Variants in TTF2 observed in about 807,000 individuals in gnomAD.
TTF2 encodes the protein RNA polymerase II termination factor.
In TTF2, 108 loss-of-function variants were observed where a neutral mutation model predicts 142.4. That is an observed-to-expected ratio of 0.76 (90% CI 0.65 to 0.89). TTF2 has a LOEUF of 0.89. Among genes scored for constraint, TTF2 ranks in the 40% least tolerant of loss-of-function variants. The pLI is 0.00. For missense variants in TTF2, 1,327 were observed against 1,379.8 expected (o/e 0.96, Z 0.61); for synonymous variants, 483 against 506.2 (o/e 0.95, Z 0.61).
In TTF2 at chr1:117,103,542, A is replaced by G. The variant is rs1242520759; in HGVS notation, c.*2018A>G. 1 of 152,216 alleles carries G rather than the reference A, an allele frequency of 6.6e-6. No homozygotes were observed. Among genetic ancestry groups the G allele is most frequent in the Non-Finnish European group, 1.5e-5 (1 of 68,034 alleles). 9.4% of individuals were successfully genotyped at this position (152,216 alleles called of 1,614,324 possible). On this transcript the variant is annotated 3_prime_UTR_variant, in exon 23 of 23. Coordinates refer to ENST00000369466, the MANE Select transcript of TTF2 (RefSeq NM_003594.4). ...GAGCCTATTTAAGCAGAAGTTTTCT[A>G]TAAGGACAAGATTTAAAGGCTTACA... is the stretch of plus-strand genomic sequence containing the variant.
At position 117,098,904 on chromosome 1, in the gene TTF2, AC is replaced by A; in HGVS notation, c.3342del (p.His1114GlnfsTer9). The A allele has an allele frequency of 6.2e-7, 1 of 1,612,930 alleles. No homozygotes were observed. The highest frequency in any genetic ancestry group is 8.5e-7 in the Non-Finnish European group (1 of 1,179,592). On this transcript the variant is annotated frameshift_variant and splice_region_variant, in exon 22 of 23. Transcript: ENST00000369466. LOFTEE classifies it high-confidence loss of function. ...RVGQQKDVVI[H>X]RFVCEGTVEE... ...GGGCAGCAGAAAGATGTTGTCATACACAGGTAAGTAATGGTCCCCAGGACCC... is the reference window on the plus strand; with the variant it reads ...GGGCAGCAGAAAGATGTTGTCATACAAGGTAAGTAATGGTCCCCAGGACCC...
chr1:117,088,950 A>G lies in TTF2; in HGVS notation c.2310A>G (p.Gln770=), dbSNP rs140711245. 2.5e-6 allele frequency: 4 copies of G among 1,612,794 alleles called. No individual in the cohort carries two copies. The highest frequency in any genetic ancestry group is 1.7e-5 in the Admixed American group (1 of 59,700). The part of the protein sequence containing the change: ...ARWAVTGTPI[Q]NNLLDMYSLL... Reference sequence around the variant, plus strand: ...GGGCTGTCACTGGAACCCCCATTCAAAACAACTTATTGGATATGTATTCGC... The same window carrying G: ...GGGCTGTCACTGGAACCCCCATTCAGAACAACTTATTGGATATGTATTCGC... The change falls in exon 13 of 23, where the codon CAA becomes CAG. Residue 770 remains glutamine (Q), a synonymous_variant. Coordinates refer to ENST00000369466, the MANE Select transcript of TTF2 (RefSeq NM_003594.4).
At chr1:117,084,497 A>G (rs1254927643) in intron 11 of TTF2, among the ~76,000 whole-genome samples, 1 of 152,212 alleles carries the variant, frequency 6.6e-6, no homozygotes, top group Non-Finnish European at 1.5e-5. Flanking sequence ...TTCTGATTCC[A>G]GGTGTACATA....
rs778269918 is a variant in TTF2, at chr1:117,105,390, C to G, written c.*3866C>G. On this transcript the variant is annotated 3_prime_UTR_variant, in exon 23 of 23. Transcript: ENST00000369466. This position sits in a 1 kb window ranked among gnomAD's most constrained non-coding sequence, Gnocchi z 4.7. Reference sequence around the variant, plus strand: ...GAGTATTGTGCATGCCGCAGCTAGACAGAGTCCTGGGCCCTTTAAAAACCT... The same window carrying G: ...GAGTATTGTGCATGCCGCAGCTAGAGAGAGTCCTGGGCCCTTTAAAAACCT... 2 of 152,246 alleles carry G rather than the reference C, an allele frequency of 1.3e-5. No homozygotes were observed. Among genetic ancestry groups the G allele is most frequent in the African/African-American group, 2.4e-5 (1 of 41,434 alleles). 9.4% of individuals were successfully genotyped at this position (152,246 alleles called of 1,614,324 possible).
intron 3 of TTF2, among the ~76,000 whole-genome samples, chr1:117,065,629 CTTT>C (rs1656036748): frequency 6.6e-6 from 1 of 152,134 alleles, no homozygotes; most frequent in South Asian, 2.1e-4. Flanking sequence ...TTGTTTAATA[CTTT>C]TCATTACAGA....
In TTF2 at chr1:117,073,595, A is replaced by G; in HGVS notation, c.219-66A>G. ...TGCAAGATGTTTTCTTGGATTAAAA[A>G]TAAGCTTATCTCTTGTTCTAATGGA... On this transcript the variant is annotated intron_variant, in intron 3 of 22. Transcript: ENST00000369466. This position sits in a 1 kb window ranked among gnomAD's most constrained non-coding sequence, Gnocchi z 4.4. 1 of 1,469,128 alleles carries G rather than the reference A, an allele frequency of 6.8e-7. No individual in the cohort carries two copies. Among genetic ancestry groups the G allele is most frequent in the Non-Finnish European group, 9.3e-7 (1 of 1,078,278 alleles). 91.0% of individuals were successfully genotyped at this position (1,469,128 alleles called of 1,614,324 possible).
Position 117,081,941 on chromosome 1 carries a change from A to C in TTF2, c.1897A>C (p.Lys633Gln). ...EKSTALTWLS[K>Q]DDSCDFTSHG... ...AAGCACAGCTTTGACGTGGCTCTCC[A>C]AAGATGGTAGACAGAAGTGCCTTAA... Residue 633 changes from lysine to glutamine, a missense_variant, in exon 10 of 23, where the codon AAA becomes CAA. Coordinates refer to ENST00000369466, the MANE Select transcript of TTF2 (RefSeq NM_003594.4). 1 of 1,614,158 alleles carries C rather than the reference A, an allele frequency of 6.2e-7. No individual in the cohort carries two copies. Among genetic ancestry groups the C allele is most frequent in the East Asian group, 2.2e-5 (1 of 44,884 alleles).
chr1:117,097,310 A>AC lies in TTF2; in HGVS notation c.3187-39dup. 6.3e-7 allele frequency: 1 copy of AC among 1,585,852 alleles called. No individual in the cohort carries two copies. On this transcript the variant is annotated intron_variant, in intron 20 of 22. Transcript: ENST00000369466. The surrounding 1 kb of genome is among the most constrained non-coding windows in gnomAD (Gnocchi z 4.1). ...ACCTGAGACCGAGATGTGTTACGAG[A>AC]CCAAGTCTGTTTAAAGTTAATGTTG... is the stretch of plus-strand genomic sequence containing the variant.
intron 13 of TTF2, among the ~76,000 whole-genome samples, chr1:117,089,622 A>G (rs1040740431): frequency 1.3e-5 from 2 of 151,986 alleles, no homozygotes; most frequent in Non-Finnish European, 2.9e-5. Flanking sequence ...CCAGGAGTTC[A>G]AGGCTGCAGT....
In TTF2 at chr1:117,076,739, C is replaced by T. The variant is rs367576357; in HGVS notation, c.1489C>T (p.Arg497Cys). The T allele has an allele frequency of 5.0e-6, 8 of 1,614,066 alleles. No individual in the cohort carries two copies. The African/African-American group carries it at 5.3e-5, about 11-fold the overall frequency. Residue 497 changes from arginine to cysteine, a missense_variant, in exon 7 of 23, where the codon CGT becomes TGT. Coordinates refer to ENST00000369466, the MANE Select transcript of TTF2 (RefSeq NM_003594.4). This position sits in a 1 kb window ranked among gnomAD's most constrained non-coding sequence, Gnocchi z 4.6. ...PHLVPPQPLP[R>C]RGTQPVGSLE... ...CCTGGTGCCTCCCCAACCCCTTCCTCGTCGTGGTACCCAACCTGTGGGTTC... is the reference window on the plus strand; with the variant it reads ...CCTGGTGCCTCCCCAACCCCTTCCTTGTCGTGGTACCCAACCTGTGGGTTC...
In TTF2 at chr1:117,070,045, CTTA is replaced by C. The variant is rs1292427091; in HGVS notation, c.219-3611_219-3609del. The stretch of plus-strand genomic sequence containing the variant: ...AATATAATAAAACGTAACAAACAAA[CTTA>C]TTATCCTAAAATCAGAAAAGCTCAT... On this transcript the variant is annotated intron_variant, in intron 3 of 22. Coordinates refer to ENST00000369466, the MANE Select transcript of TTF2 (RefSeq NM_003594.4). The surrounding 1 kb of genome is among the most constrained non-coding windows in gnomAD (Gnocchi z 4.2). Among the ~76,000 whole-genome samples the C allele has an allele frequency of 6.6e-6, 1 of 152,172 alleles. No homozygotes were observed. The highest frequency in any genetic ancestry group is 1.5e-5 in the Non-Finnish European group (1 of 68,018).
At position 117,081,924 on chromosome 1, in the gene TTF2, C is replaced by T. The variant is rs373405668; in HGVS notation, c.1880C>T (p.Ala627Val). 2 of 1,614,054 alleles carry T rather than the reference C, an allele frequency of 1.2e-6. No homozygotes were observed. Among genetic ancestry groups the T allele is most frequent in the African/African-American group, 1.3e-5 (1 of 74,936 alleles). ...AAGGAAGAAAAGGAGAAAAGCACAG[C>T]TTTGACGTGGCTCTCCAAAGATGGT... ...EKKEEKEKST[A>V]LTWLSKDDSC... Residue 627 changes from alanine to valine, a missense_variant, in exon 10 of 23, where the codon GCT becomes GTT. Ala to Val is a moderately conservative substitution (Grantham distance 64). Coordinates refer to ENST00000369466, the MANE Select transcript of TTF2 (RefSeq NM_003594.4).
At position 117,098,908 on chromosome 1, in the gene TTF2, G is replaced by A; in HGVS notation, c.3344+1G>A. The A allele has an allele frequency of 6.2e-7, 1 of 1,612,352 alleles. No homozygotes were observed. The highest frequency in any genetic ancestry group is 8.5e-7 in the Non-Finnish European group (1 of 1,179,312). The stretch of plus-strand genomic sequence containing the variant: ...AGCAGAAAGATGTTGTCATACACAG[G>A]TAAGTAATGGTCCCCAGGACCCAGG... On this transcript the variant is annotated splice_donor_variant, in intron 22 of 22. Coordinates refer to ENST00000369466, the MANE Select transcript of TTF2 (RefSeq NM_003594.4). LOFTEE classifies it high-confidence loss of function.
intron 3 of TTF2, among the ~76,000 whole-genome samples, chr1:117,067,739 GTGACCTA>G (rs1387394472): frequency 2.0e-5 from 3 of 152,164 alleles, no homozygotes; most frequent in African/African-American, 7.2e-5. Flanking sequence ...CCCCTGGAGA[GTGACCTA>G]TGAGAGTACA....
intron 2 of TTF2, among the ~76,000 whole-genome samples, chr1:117,061,353 G>A (rs544152324): frequency 1.4e-4 from 21 of 152,336 alleles, no homozygotes; most frequent in African/African-American, 4.8e-4. Flanking sequence ...AAAGTTAATA[G>A]TTTGTCAAGT....
rs1196628681 is a variant in TTF2, at chr1:117,100,001, T to G, written c.3344+1094T>G. Among the ~76,000 whole-genome samples, 5 of 152,274 alleles carry G rather than the reference T, an allele frequency of 3.3e-5. No individual in the cohort carries two copies. Among genetic ancestry groups the G allele is most frequent in the Non-Finnish European group, 1.5e-5 (1 of 68,042 alleles). On this transcript the variant is annotated intron_variant, in intron 22 of 22. Coordinates refer to ENST00000369466, the MANE Select transcript of TTF2 (RefSeq NM_003594.4). This position sits in a 1 kb window ranked among gnomAD's most constrained non-coding sequence, Gnocchi z 4.6. Reference sequence around the variant, plus strand: ...CAAGGTCTCCTAAACTTCAGACCTATCGCAGTCCCTGCTAAATATCTGAAT... The same window carrying G: ...CAAGGTCTCCTAAACTTCAGACCTAGCGCAGTCCCTGCTAAATATCTGAAT...
intron 20 of TTF2, among the ~76,000 whole-genome samples, chr1:117,096,759 T>C (rs956134727): frequency 4.6e-5 from 7 of 152,234 alleles, no homozygotes; most frequent in African/African-American, 1.7e-4. Context: ...ATTAGACATG[T>C]ATTGGGATAC....
Position 117,100,030 on chromosome 1 carries a change from A to G in TTF2, c.3344+1123A>G, listed in dbSNP as rs970290057. 1.3e-5 allele frequency among the ~76,000 whole-genome samples: 2 copies of G among 152,206 alleles called. No individual in the cohort carries two copies. Among genetic ancestry groups the G allele is most frequent in the Non-Finnish European group, 2.9e-5 (2 of 68,034 alleles). ...AGTCCCTGCTAAATATCTGAATCCG[A>G]GTGTCCACATACTCATCTGTTATTC... On this transcript the variant is annotated intron_variant, in intron 22 of 22. Transcript: ENST00000369466. The surrounding 1 kb of genome is among the most constrained non-coding windows in gnomAD (Gnocchi z 4.6).
intron 20 of TTF2, among the ~76,000 whole-genome samples, chr1:117,096,704 C>A (rs1197359287): frequency 1.3e-5 from 2 of 152,168 alleles, no homozygotes; most frequent in South Asian, 2.1e-4. Flanking sequence ...GATATGGCAA[C>A]TTAAAAATAT....
Sources: gnomAD v4.1 joint callset for allele counts (sites outside exome capture counted in the v4.1 genomes callset) on GRCh38, gnomAD v4.1.1 for gene constraint, Gnocchi (gnomAD v3.1) non-coding constraint, MANE v1.5 for transcripts, NCBI Gene and HGNC (gene_info 2026-07-23, HGNC 2026-07-21) for gene names.